NRG4: variants seen among roughly 807,000 people sequenced by gnomAD.
The protein encoded by NRG4 is neuregulin 4.
In NRG4, 10 loss-of-function variants were observed where a neutral mutation model predicts 15.0. That is an observed-to-expected ratio of 0.67 (90% CI 0.41 to 1.13). The LOEUF (loss-of-function observed/expected upper bound fraction) is 1.13. NRG4 is among the 50% of genes most tolerant of loss of function. NRG4 has a pLI of 0.00. For synonymous variants in NRG4, 41 were observed against 50.1 expected (o/e 0.82, Z 0.77); for missense variants, 139 against 140.2 (o/e 0.99, Z 0.04).
chr15:75,947,014 G>A (rs1313958509), intron 5 of NRG4, among the ~76,000 whole-genome samples: 1 of 152,160 alleles, frequency 6.6e-6, no homozygotes, highest in Non-Finnish European at 1.5e-5. Context: ...ATTGAGGCAG[G>A]AGAGGTAGTC....
chr15:75,938,769 A>AG (rs2030637704), downstream of NRG4: 1 of 152,222 alleles, frequency 6.6e-6, no homozygotes, highest in African/African-American at 2.4e-5. Flanking sequence ...AAAGAAGTGA[A>AG]GAAGATATGG....
At chr15:76,005,679 GAAAA>G (rs776504828) in intron 3 of NRG4, 244 of 151,582 alleles carry the variant, frequency 1.6e-3, no homozygotes, top group Middle Eastern at 2.9e-3. Context: ...CTCTGTCTCA[GAAAA>G]AAAAAAAAAA....
chr15:76,028,903 C>CAAA (rs34533266), intron 5 of NRG4, among the ~76,000 whole-genome samples: 83 of 54,142 alleles, frequency 1.5e-3, no homozygotes, highest in Middle Eastern at 0.014. Context: ...ACTCCTCCTC[C>CAAA]AAAAAAAAAA....
intron 3 of NRG4, among the ~76,000 whole-genome samples, chr15:75,998,082 A>C (rs753918668): frequency 2.6e-5 from 4 of 152,208 alleles, no homozygotes; most frequent in African/African-American, 9.6e-5. Context: ...GTGAAACCCG[A>C]GAGAATTAAC....
At chr15:76,042,187 G>A (rs374499636) in intron 4 of NRG4, among the ~76,000 whole-genome samples, 176 of 152,012 alleles carry the variant, frequency 1.2e-3, no homozygotes, top group Non-Finnish European at 2.2e-3. Flanking sequence ...AAGCAATACC[G>A]AGAGAGAAGT....
intron 5 of NRG4, among the ~76,000 whole-genome samples, chr15:75,954,576 C>T (rs1327233756): frequency 1.3e-5 from 2 of 151,378 alleles, no homozygotes; most frequent in Non-Finnish European, 2.9e-5. Context: ...ATTACAGGCA[C>T]CCACCATTGG....
upstream of NRG4, among the ~76,000 whole-genome samples, chr15:76,014,508 A>G (rs907774289): frequency 1.4e-4 from 21 of 152,140 alleles, no homozygotes; most frequent in African/African-American, 5.1e-4. Context: ...TCCATCTTGA[A>G]TTAATTTTTA....
At chr15:75,962,453 CATTT>C (rs2032570695) in intron 3 of NRG4, among the ~76,000 whole-genome samples, 1 of 145,368 alleles carries the variant, frequency 6.9e-6, no homozygotes, top group Admixed American at 6.8e-5. Flanking sequence ...TAAATAACAG[CATTT>C]ATTTCTATTC....
intron 3 of NRG4, among the ~76,000 whole-genome samples, chr15:75,993,172 T>C (rs957496169): frequency 1.3e-5 from 2 of 151,976 alleles, no homozygotes; most frequent in Non-Finnish European, 2.9e-5. Flanking sequence ...TATATTTTTT[T>C]CCTCCTGCCA....
At chr15:75,984,868 A>G (rs2033739074) in intron 3 of NRG4, among the ~76,000 whole-genome samples, 1 of 152,176 alleles carries the variant, frequency 6.6e-6, no homozygotes, top group Non-Finnish European at 1.5e-5. Context: ...GTCTTGAGAC[A>G]GAGTTTTGCT....
At chr15:75,987,583 C>T (rs1451858587) in intron 3 of NRG4, among the ~76,000 whole-genome samples, 1 of 152,144 alleles carries the variant, frequency 6.6e-6, no homozygotes, top group Admixed American at 6.5e-5. Context: ...TGTAAGTATG[C>T]AGCACGAAGA....
chr15:75,995,968 G>C (rs1030663279), intron 3 of NRG4, among the ~76,000 whole-genome samples: 5 of 152,108 alleles, frequency 3.3e-5, no homozygotes, highest in Non-Finnish European at 5.9e-5. Context: ...ACTAATTACA[G>C]GTAGACTTTC....
At position 76,051,595 on chromosome 15, in the gene NRG4, G is replaced by A. The variant is rs74485455; in HGVS notation, c.-105+472C>T. Among the ~76,000 whole-genome samples, 76 of 138,820 alleles carry A rather than the reference G, an allele frequency of 5.5e-4. 1 individual carries two copies. The highest frequency in any genetic ancestry group is 9.1e-4 in the Non-Finnish European group (60 of 65,716). The allele number at this position is 138,820 out of a possible 152,430, so 91.1% of individuals were successfully genotyped here. A position where few individuals can be genotyped will look rare whatever the true frequency, so the allele number is the denominator to read the frequency against. On this transcript the variant is annotated intron_variant, in intron 4 of 8. Coordinates refer to the NRG4 transcript ENST00000563910. ...TTTTTTTTTTTTGAGACAGAGTCTCGCTCTGTCGCCCAGGCTGGAGTGCTG... is the reference window on the plus strand; with the variant it reads ...TTTTTTTTTTTTGAGACAGAGTCTCACTCTGTCGCCCAGGCTGGAGTGCTG...
chr15:76,039,489 CAG>C (rs2035678299), intron 4 of NRG4, among the ~76,000 whole-genome samples: 1 of 152,086 alleles, frequency 6.6e-6, no homozygotes, highest in Non-Finnish European at 1.5e-5. Context: ...AATAATGCAT[CAG>C]AGACTGTTAA....
chr15:76,044,416 C>T (rs2035820395), intron 4 of NRG4, among the ~76,000 whole-genome samples: 2 of 150,718 alleles, frequency 1.3e-5, no homozygotes, highest in African/African-American at 2.5e-5. Flanking sequence ...GAAACTCGAC[C>T]CCTATCTCTC....
chr15:76,031,573 C>T (rs936885333), intron 5 of NRG4, among the ~76,000 whole-genome samples: 1 of 152,178 alleles, frequency 6.6e-6, no homozygotes, highest in Non-Finnish European at 1.5e-5. Flanking sequence ...TCCTGTAGTC[C>T]CAGCTACTCG....
chr15:76,006,088 A>G (rs973836839), intron 3 of NRG4, among the ~76,000 whole-genome samples: 1 of 152,162 alleles, frequency 6.6e-6, no homozygotes, highest in African/African-American at 2.4e-5. Flanking sequence ...TTGGTTAGGG[A>G]CTATTTCTAT....
chr15:76,005,003 A>G (rs767104801), intron 3 of NRG4, among the ~76,000 whole-genome samples: 1 of 152,196 alleles, frequency 6.6e-6, no homozygotes, highest in Non-Finnish European at 1.5e-5. Flanking sequence ...CAGTCAATTA[A>G]CACATATTTT....
chr15:75,966,421 A>AT (rs1405046008), intron 3 of NRG4, among the ~76,000 whole-genome samples: 1 of 152,206 alleles, frequency 6.6e-6, no homozygotes, highest in Non-Finnish European at 1.5e-5. Context: ...ACATAGGGCT[A>AT]TTGTCAGAAT....
Sources: allele counts gnomAD v4.1 joint callset (sites outside exome capture counted in the v4.1 genomes callset), GRCh38; gene constraint gnomAD v4.1.1; transcripts MANE v1.5; gene names NCBI Gene and HGNC (gene_info 2026-07-23, HGNC 2026-07-21).